Variants in EARS2 observed in about 807,000 individuals in gnomAD.
The protein encoded by EARS2 is nondiscriminating glutamyl-tRNA synthetase EARS2, mitochondrial.
In EARS2, 50 loss-of-function variants were observed where a neutral mutation model predicts 54.1. The observed-to-expected ratio is 0.92, with a 90% CI of 0.74 to 1.17. The LOEUF is 1.17. EARS2 is among the 50% of genes most tolerant of loss of function. EARS2 has a pLI of 0.00. For synonymous variants in EARS2, 298 were observed against 281.0 expected (o/e 1.06, Z -0.61); for missense variants, 673 against 675.0 (o/e 1.00, Z 0.03).
intron 4 of EARS2, among the ~76,000 whole-genome samples, chr16:23,534,481 C>T (rs1015254822): frequency 3.3e-5 from 5 of 152,190 alleles, no homozygotes; most frequent in Admixed American, 6.5e-5. Flanking sequence ...TCTAGTCATA[C>T]TGTTAGCATA....
At position 23,547,936 on chromosome 16, in the gene EARS2, AAAT is replaced by A. The variant is rs1237134799; in HGVS notation, c.296-3236_296-3234del. On this transcript the variant is annotated intron_variant, in intron 2 of 8. Transcript: ENST00000449606. ...ACATGGTGAAACACCGCCTCTAAAA[AAAT>A]AATAATAATAGCCAGGCGCGGTGGC... Among the ~76,000 whole-genome samples, 21 of 152,180 alleles carry A rather than the reference AAAT, an allele frequency of 1.4e-4. No individual in the cohort carries two copies. In the South Asian group the frequency reaches 2.1e-3, roughly 15 times the overall value.
chr16:23,557,144 T>A, intron 1 of EARS2, 61 bp downstream of exon 1: 1 of 1,493,728 alleles, frequency 6.7e-7, no homozygotes, highest in Non-Finnish European at 8.8e-7. Context: ...TTCGGGAACA[T>A]TCGTGGGGCG....
intron 5 of EARS2, among the ~76,000 whole-genome samples, chr16:23,530,682 C>T (rs1487367283): frequency 6.6e-6 from 1 of 152,056 alleles, no homozygotes; most frequent in African/African-American, 2.4e-5. Context: ...AACCTAGCAA[C>T]ATGGTAAGAT....
At position 23,521,011 on chromosome 16, in the gene EARS2, T is replaced by C. The variant is rs1965137822; in HGVS notation, c.*3360A>G. ...TTCACCATGTTGGCCAGGCTGGTCT[T>C]GAACTCCCGGCCTCAAGTGATCTGC... is the stretch of plus-strand genomic sequence containing the variant. On this transcript the variant is annotated 3_prime_UTR_variant, in exon 9 of 9. Transcript: ENST00000449606. Among the ~76,000 whole-genome samples the C allele has an allele frequency of 6.6e-6, 1 of 152,038 alleles. No individual in the cohort carries two copies. The highest frequency in any genetic ancestry group is 2.1e-4 in the South Asian group (1 of 4,808).
chr16:23,532,846 G>A, intron 4 of EARS2, 81 bp from the exon 5 acceptor site: 1 of 989,306 alleles, frequency 1.0e-6, no homozygotes, highest in Non-Finnish European at 1.5e-6. Context: ...TAAGAGACAG[G>A]ATCTTGCTCT....
At chr16:23,551,588 G>T (rs1965695856) in intron 2 of EARS2, among the ~76,000 whole-genome samples, 1 of 151,796 alleles carries the variant, frequency 6.6e-6, no homozygotes, top group African/African-American at 2.4e-5. Context: ...CTCTAGCCTG[G>T]GTAACAAAAT....
chr16:23,529,538 G>A lies in EARS2; in HGVS notation c.1316C>T (p.Ser439Leu), dbSNP rs747235837. The A allele has an allele frequency of 1.6e-5, 26 of 1,614,022 alleles. No homozygotes were observed. Among genetic ancestry groups the A allele is most frequent in the Admixed American group, 5.0e-5 (3 of 59,986 alleles). The change falls in exon 7 of 9, where the codon TCG (serine) becomes TTG (leucine). Residue 439 changes from serine (S) to leucine (L), a missense_variant. Ser to Leu is a moderately radical substitution (Grantham distance 145). Around this residue, in one of 3 missense-constraint regions of EARS2, gnomAD observed 338 missense variants for 361.2 expected, o/e 0.94. Coordinates refer to ENST00000449606, the MANE Select transcript of EARS2 (RefSeq NM_001083614.2). ...CTTGGCAATCACATCCACCTTCTCCGAGATGGCGTCCAGCTGTGCTCGACC... is the reference window on the plus strand; with the variant it reads ...CTTGGCAATCACATCCACCTTCTCCAAGATGGCGTCCAGCTGTGCTCGACC... ...AVGRAQLDAISEKVDVIAKRV... is the reference protein window; with the variant it reads ...AVGRAQLDAILEKVDVIAKRV...
At chr16:23,534,587 A>G (rs1195179669) in intron 4 of EARS2, among the ~76,000 whole-genome samples, 1 of 152,192 alleles carries the variant, frequency 6.6e-6, no homozygotes, top group Non-Finnish European at 1.5e-5. Flanking sequence ...TCCTGAGCTC[A>G]GTGAATCCTA....
At chr16:23,555,036 A>G (rs537914488) in intron 1 of EARS2, among the ~76,000 whole-genome samples, 1 of 152,352 alleles carries the variant, frequency 6.6e-6, no homozygotes, top group South Asian at 2.1e-4. Flanking sequence ...AATGAGAAGT[A>G]CAATCATCAT....
At position 23,522,425 on chromosome 16, in the gene EARS2, G is replaced by T. The variant is rs1271739560; in HGVS notation, c.*1946C>A. 1 of 152,450 alleles carries T rather than the reference G, an allele frequency of 6.6e-6. No homozygotes were observed. The highest frequency in any genetic ancestry group is 1.5e-5 in the Non-Finnish European group (1 of 68,302). 9.4% of individuals were successfully genotyped at this position (152,450 alleles called of 1,614,324 possible). On this transcript the variant is annotated 3_prime_UTR_variant, in exon 9 of 9. Coordinates refer to ENST00000449606, the MANE Select transcript of EARS2 (RefSeq NM_001083614.2). ...GCCATCAAAGAACTCAGACAAGATT[G>T]GCCATTAGCTCCTGTAGCTAGTTCC... is the stretch of plus-strand genomic sequence containing the variant.
At position 23,521,860 on chromosome 16, in the gene EARS2, C is replaced by T. The variant is rs1965146524; in HGVS notation, c.*2511G>A. 4.4e-6 allele frequency: 2 copies of T among 455,910 alleles called. No individual in the cohort carries two copies. The highest frequency in any genetic ancestry group is 8.8e-6 in the Non-Finnish European group (2 of 226,804). The allele number at this position is 455,910 out of a possible 1,614,324, so 28.2% of individuals were successfully genotyped here. ...CTTAGAAACAGATGCTCTGACAACA[C>T]TCAGTAGATCAGAGTTAAGCTTGGA... On this transcript the variant is annotated 3_prime_UTR_variant, in exon 9 of 9. Coordinates refer to ENST00000449606, the MANE Select transcript of EARS2 (RefSeq NM_001083614.2).
intron 1 of EARS2, among the ~76,000 whole-genome samples, chr16:23,555,256 C>A (rs997953269): frequency 6.6e-6 from 1 of 152,154 alleles, no homozygotes; most frequent in African/African-American, 2.4e-5. Context: ...GAGGCCAAGG[C>A]AGGTGGATCA....
At chr16:23,545,673 C>G (rs1305581220) in intron 2 of EARS2, among the ~76,000 whole-genome samples, 1 of 152,146 alleles carries the variant, frequency 6.6e-6, no homozygotes, top group Non-Finnish European at 1.5e-5. Context: ...CTTAGCCTTT[C>G]TTTTTCTAAG....
chr16:23,554,919 C>A (rs1388367349), intron 1 of EARS2, among the ~76,000 whole-genome samples: 2 of 152,156 alleles, frequency 1.3e-5, no homozygotes, highest in Admixed American at 6.5e-5. Flanking sequence ...CCAAAGTAAA[C>A]CCTCAATTAA....
intron 3 of EARS2, among the ~76,000 whole-genome samples, chr16:23,540,468 G>A (rs1368294280): frequency 1.3e-5 from 2 of 152,218 alleles, no homozygotes; most frequent in Admixed American, 6.5e-5. Context: ...ATTGCAGATG[G>A]GAGTGTAAAC....
intron 2 of EARS2, among the ~76,000 whole-genome samples, chr16:23,548,754 G>A (rs1253162701): frequency 6.6e-6 from 1 of 152,154 alleles, no homozygotes; most frequent in Non-Finnish European, 1.5e-5. Context: ...AGTCAGGATA[G>A]AGTCCATGAC....
At chr16:23,528,372 C>T (rs1302546704) in intron 7 of EARS2, among the ~76,000 whole-genome samples, 3 of 152,212 alleles carry the variant, frequency 2.0e-5, no homozygotes, top group South Asian at 4.1e-4. Context: ...TGCCGAGGAG[C>T]TGATGAAACA....
At chr16:23,544,747 C>T (rs1223070985) in intron 2 of EARS2, 44 bp from the exon 3 acceptor site, 6 of 1,506,038 alleles carry the variant, frequency 4.0e-6, no homozygotes, top group Admixed American at 4.2e-5. Flanking sequence ...ACACAGCGCT[C>T]GTTCTCAGGC....
At chr16:23,543,137 A>AC (rs1335808636) in intron 3 of EARS2, among the ~76,000 whole-genome samples, 13 of 141,822 alleles carry the variant, frequency 9.2e-5, no homozygotes, top group Non-Finnish European at 1.9e-4. Context: ...AAAAAAAAAA[A>AC]GTCAGGTGCA....
Sources: gnomAD v4.1 joint callset for allele counts (sites outside exome capture counted in the v4.1 genomes callset) on GRCh38, gnomAD v4.1.1 for gene constraint, gnomAD v4.1.1 regional missense constraint, MANE v1.5 for transcripts, NCBI Gene and HGNC (gene_info 2026-07-23, HGNC 2026-07-21) for gene names.